The following GRM7 variants were observed in gnomAD, a reference collection of about 807,000 sequenced individuals.
GRM7 encodes glutamate metabotropic receptor 7, also known as metabotropic glutamate receptor 7.
GRM7 carries 35 observed loss-of-function variants against 84.5 expected under a neutral mutation model. That is an observed-to-expected ratio of 0.41 (90% CI 0.32 to 0.55). GRM7 has a LOEUF of 0.55. GRM7 is among the 20% of genes least tolerant of loss of function. The probability of loss-of-function intolerance (pLI) is 0.19; values close to 1 mark genes in which losing one functional copy is unlikely to be tolerated. For missense variants in GRM7, 1,003 were observed against 1,194.6 expected (o/e 0.84, Z 2.36); for synonymous variants, 487 against 455.1 (o/e 1.07, Z -0.89).
At chr3:7,624,280 G>C (rs1697501965) in intron 8 of GRM7, among the ~76,000 whole-genome samples, 1 of 152,018 alleles carries the variant, frequency 6.6e-6, no homozygotes, top group Admixed American at 6.6e-5. Context: ...AGTTGGGAAG[G>C]CCTCTCCAAA....
chr3:7,690,406 T>G (rs1009178368), intron 9 of GRM7, among the ~76,000 whole-genome samples: 1 of 152,082 alleles, frequency 6.6e-6, no homozygotes, highest in African/African-American at 2.4e-5. Flanking sequence ...ATAAATATTA[T>G]AAAAATAAAA....
At chr3:7,672,074 C>T (rs1009599930) in intron 8 of GRM7, among the ~76,000 whole-genome samples, 6 of 152,058 alleles carry the variant, frequency 3.9e-5, no homozygotes, top group Admixed American at 3.3e-4. Context: ...AACTCCCTCC[C>T]CTGCCCCGGG....
chr3:6,877,475 C>T (rs765113153), intron 1 of GRM7, among the ~76,000 whole-genome samples: 15 of 152,180 alleles, frequency 9.9e-5, no homozygotes, highest in Middle Eastern at 3.2e-3. Context: ...CAACCTGCAG[C>T]TACCTGCCAT....
intron 8 of GRM7, among the ~76,000 whole-genome samples, chr3:7,635,260 G>A (rs2125099974): frequency 6.6e-6 from 1 of 152,362 alleles, no homozygotes; most frequent in South Asian, 2.1e-4. Context: ...ATAACTACCA[G>A]AGAGTAGATG....
chr3:7,698,244 C>T (rs1474312880), intron 9 of GRM7, among the ~76,000 whole-genome samples: 2 of 152,274 alleles, frequency 1.3e-5, no homozygotes, highest in African/African-American at 4.8e-5. Context: ...GTGTTCTGGG[C>T]AGAGGGATCG....
At chr3:7,259,531 T>C (rs1167819729) in intron 2 of GRM7, among the ~76,000 whole-genome samples, 1 of 152,138 alleles carries the variant, frequency 6.6e-6, no homozygotes, top group Non-Finnish European at 1.5e-5. Context: ...TAAGTGATAA[T>C]ATGTGGTATT....
chr3:7,076,159 A>G (rs1698069662), intron 1 of GRM7, among the ~76,000 whole-genome samples: 1 of 152,214 alleles, frequency 6.6e-6, no homozygotes. Flanking sequence ...TGGGAAGGTC[A>G]CTGTAATATA....
At position 7,188,490 on chromosome 3, in the gene GRM7, G is replaced by C. The variant is rs2125103369; in HGVS notation, c.736+41822G>C. Among the ~76,000 whole-genome samples, 1 of 152,124 alleles carries C rather than the reference G, an allele frequency of 6.6e-6. No individual in the cohort carries two copies. The highest frequency in any genetic ancestry group is 2.1e-4 in the South Asian group (1 of 4,822). Reference sequence around the variant, plus strand: ...TAAAGAAAGTAATTTGAAAAGTAAAGTAAAATACCCATCAGAGGCCTCAAA... The same window carrying C: ...TAAAGAAAGTAATTTGAAAAGTAAACTAAAATACCCATCAGAGGCCTCAAA... On this transcript the variant is annotated intron_variant, in intron 2 of 9. Coordinates refer to ENST00000357716, the MANE Select transcript of GRM7 (RefSeq NM_000844.4). The surrounding 1 kb of genome is among the most constrained non-coding windows in gnomAD (Gnocchi z 4.2).
chr3:6,911,189 A>G (rs1469017242), intron 1 of GRM7, among the ~76,000 whole-genome samples: 1 of 152,048 alleles, frequency 6.6e-6, no homozygotes, highest in East Asian at 1.9e-4. Context: ...TTTTTTTGCC[A>G]CATTCAAATA....
At chr3:7,527,956 T>C (rs1441953443) in intron 7 of GRM7, among the ~76,000 whole-genome samples, 1 of 147,170 alleles carries the variant, frequency 6.8e-6, no homozygotes, top group Non-Finnish European at 1.5e-5. Flanking sequence ...GCTGCATCTA[T>C]GTTAATCAGG....
At chr3:7,157,630 G>C (rs542072427) in intron 2 of GRM7, among the ~76,000 whole-genome samples, 1 of 151,978 alleles carries the variant, frequency 6.6e-6, no homozygotes, top group Non-Finnish European at 1.5e-5. Context: ...ATTTACATCT[G>C]TGATATGGTT....
At chr3:7,158,822 C>T (rs539990378) in intron 2 of GRM7, among the ~76,000 whole-genome samples, 20 of 152,236 alleles carry the variant, frequency 1.3e-4, no homozygotes, top group Admixed American at 3.9e-4. Flanking sequence ...TTTTAGCCTA[C>T]GCTGTGTTAT....
intron 1 of GRM7, among the ~76,000 whole-genome samples, chr3:7,030,803 T>C (rs1382677791): frequency 6.6e-6 from 1 of 152,230 alleles, no homozygotes; most frequent in Non-Finnish European, 1.5e-5. Flanking sequence ...GAAATCAATT[T>C]AAATTATCTG....
intron 2 of GRM7, among the ~76,000 whole-genome samples, chr3:7,189,283 A>G (rs961391651): frequency 3.9e-5 from 6 of 152,194 alleles, no homozygotes; most frequent in African/African-American, 1.4e-4. Context: ...TGAGAAAGCA[A>G]TAAATCAAGA....
chr3:7,228,264 T>A (rs935015711), intron 2 of GRM7, among the ~76,000 whole-genome samples: 9 of 152,166 alleles, frequency 5.9e-5, no homozygotes, highest in African/African-American at 1.7e-4. Flanking sequence ...AAAGAGCACA[T>A]TTTCAGTACA....
At chr3:7,228,459 A>C (rs1697055028) in intron 2 of GRM7, among the ~76,000 whole-genome samples, 1 of 152,232 alleles carries the variant, frequency 6.6e-6, no homozygotes, top group South Asian at 2.1e-4. Flanking sequence ...CAACATCTTC[A>C]GAAATCCAAG....
chr3:7,437,297 A>G (rs1697097532), intron 5 of GRM7, among the ~76,000 whole-genome samples: 1 of 152,178 alleles, frequency 6.6e-6, no homozygotes, highest in Non-Finnish European at 1.5e-5. Flanking sequence ...GTAGATTTTT[A>G]AAAATGTTTT....
intron 7 of GRM7, among the ~76,000 whole-genome samples, chr3:7,478,900 G>T (rs1354983189): frequency 6.6e-6 from 1 of 152,000 alleles, no homozygotes; most frequent in Non-Finnish European, 1.5e-5. Context: ...ATTCTTAATT[G>T]GTCCCTATGC....
intron 2 of GRM7, among the ~76,000 whole-genome samples, chr3:7,205,665 G>C (rs576545481): frequency 9.8e-5 from 15 of 152,306 alleles, no homozygotes; most frequent in African/African-American, 3.4e-4. Context: ...GTTCAGTACA[G>C]TGTCTGGGTA....
Sources: gnomAD v4.1 joint callset for allele counts (sites outside exome capture counted in the v4.1 genomes callset) on GRCh38, gnomAD v4.1.1 for gene constraint, Gnocchi (gnomAD v3.1) non-coding constraint, MANE v1.5 for transcripts, NCBI Gene and HGNC (gene_info 2026-07-23, HGNC 2026-07-21) for gene names.